Variants in SPTLC3 observed in about 807,000 individuals in gnomAD.
SPTLC3 encodes serine palmitoyltransferase 3.
In SPTLC3, 36 loss-of-function variants were observed where a neutral mutation model predicts 59.3. The observed-to-expected ratio is 0.61, with a 90% CI of 0.47 to 0.80. SPTLC3 has a LOEUF of 0.80. SPTLC3 is among the 30% of genes least tolerant of loss of function. SPTLC3 has a pLI of 0.00. For missense variants in SPTLC3, 625 were observed against 685.1 expected (o/e 0.91, Z 0.98); for synonymous variants, 257 against 240.8 (o/e 1.07, Z -0.62).
chr20:13,031,841 T>C (rs1353769145), intron 1 of SPTLC3, among the ~76,000 whole-genome samples: 1 of 152,208 alleles, frequency 6.6e-6, no homozygotes, highest in Non-Finnish European at 1.5e-5. Flanking sequence ...ATCTAACTTT[T>C]ATGTTTCTTT....
Position 13,009,297 on chromosome 20 carries a change from C to T in SPTLC3, c.30C>T (p.Cys10=). The stretch of plus-strand genomic sequence containing the variant: ...CTAACCCTGGAGGTGGTGCTGTTTG[C>T]AACGGGAAACTTCACAATCACAAGA... MANPGGGAV[C]NGKLHNHKKQ... is the part of the protein sequence containing the mutation. Residue 10 remains cysteine (C), a synonymous_variant, in exon 1 of 12, where the codon TGC becomes TGT. Coordinates refer to ENST00000399002, the MANE Select transcript of SPTLC3 (RefSeq NM_018327.4). 1 of 1,614,062 alleles carries T rather than the reference C, an allele frequency of 6.2e-7. No homozygotes were observed. Among genetic ancestry groups the T allele is most frequent in the Non-Finnish European group, 8.5e-7 (1 of 1,179,974 alleles).
At chr20:13,104,566 C>A (rs937730706) in intron 6 of SPTLC3, among the ~76,000 whole-genome samples, 2 of 152,044 alleles carry the variant, frequency 1.3e-5, no homozygotes, top group African/African-American at 4.8e-5. Context: ...TTATCAGTAG[C>A]GTGAAAATGG....
intron 3 of SPTLC3, chr20:13,073,913 A>C (rs1192195316): frequency 8.9e-6 from 5 of 563,510 alleles, no homozygotes; most frequent in Non-Finnish European, 1.8e-5. Flanking sequence ...CCAGAGATGC[A>C]TTCTTCATCC....
At chr20:13,029,893 T>G (rs752745422) in intron 1 of SPTLC3, among the ~76,000 whole-genome samples, 1 of 152,142 alleles carries the variant, frequency 6.6e-6, no homozygotes, top group Non-Finnish European at 1.5e-5. Flanking sequence ...CTTGGCAAGT[T>G]TCTCTCTTTC....
intron 1 of SPTLC3, among the ~76,000 whole-genome samples, chr20:13,026,267 T>G (rs1986140213): frequency 6.6e-6 from 1 of 152,160 alleles, no homozygotes; most frequent in Non-Finnish European, 1.5e-5. Context: ...CTGCGTTGAG[T>G]GGTAGTTCTG....
Position 13,167,357 on chromosome 20 carries a change from T to C in SPTLC3, c.*2490T>C, listed in dbSNP as rs529855801. On this transcript the variant is annotated 3_prime_UTR_variant, in exon 12 of 12. Coordinates refer to ENST00000399002, the MANE Select transcript of SPTLC3 (RefSeq NM_018327.4). ...ATCACCGCCCCGACCTTAGCTCTAA[T>C]TATATCAGAGCCAAAAATGTGTCTT... 12 of 152,286 alleles carry C rather than the reference T, an allele frequency of 7.9e-5. No homozygotes were observed. Among genetic ancestry groups the C allele is most frequent in the African/African-American group, 2.6e-4 (11 of 41,548 alleles). 9.4% of individuals were successfully genotyped at this position (152,286 alleles called of 1,614,324 possible).
intron 6 of SPTLC3, among the ~76,000 whole-genome samples, chr20:13,103,279 C>A (rs7264459): frequency 1.7e-3 from 258 of 152,298 alleles, no homozygotes; most frequent in African/African-American, 5.8e-3. Context: ...GGGGGACAGT[C>A]CTCCCCACCA....
intron 4 of SPTLC3, among the ~76,000 whole-genome samples, chr20:13,081,172 G>A (rs1278856911): frequency 6.6e-6 from 1 of 152,184 alleles, no homozygotes; most frequent in African/African-American, 2.4e-5. Context: ...TTTGCCACAA[G>A]CAGGTTTTTA....
chr20:13,066,897 C>T (rs74403574), intron 2 of SPTLC3, among the ~76,000 whole-genome samples: 50 of 140,496 alleles, frequency 3.6e-4, no homozygotes, highest in African/African-American at 1.2e-3. Flanking sequence ...TTTTCTTTAT[C>T]CTTTTCACTG....
At chr20:13,059,609 T>C (rs1987870481) in intron 2 of SPTLC3, among the ~76,000 whole-genome samples, 1 of 152,164 alleles carries the variant, frequency 6.6e-6, no homozygotes, top group Non-Finnish European at 1.5e-5. Context: ...AATTAACGGT[T>C]ACAGATCAAC....
intron 9 of SPTLC3, among the ~76,000 whole-genome samples, chr20:13,128,897 AC>A (rs2038056084): frequency 7.3e-6 from 1 of 136,198 alleles, no homozygotes; most frequent in Non-Finnish European, 1.5e-5. Context: ...TTTTTTGGAG[AC>A]AGAGTTTCGC....
chr20:13,164,004 T>C lies in SPTLC3; in HGVS notation c.1546-750T>C, dbSNP rs1006496255. Reference sequence around the variant, plus strand: ...GTGCCATGTTGGTGTGCTGCACCCATTAACTCGTCATTTAGCATTAGGTAT... The same window carrying C: ...GTGCCATGTTGGTGTGCTGCACCCACTAACTCGTCATTTAGCATTAGGTAT... On this transcript the variant is annotated intron_variant, in intron 11 of 11. Coordinates refer to ENST00000399002, the MANE Select transcript of SPTLC3 (RefSeq NM_018327.4). 5.9e-5 allele frequency among the ~76,000 whole-genome samples: 9 copies of C among 152,274 alleles called. 1 individual carries two copies. The highest frequency in any genetic ancestry group is 2.2e-4 in the African/African-American group (9 of 41,556).
At chr20:13,074,652 A>T (rs1988578533) in intron 4 of SPTLC3, among the ~76,000 whole-genome samples, 155 bp downstream of exon 4, 2 of 152,208 alleles carry the variant, frequency 1.3e-5, no homozygotes, top group African/African-American at 2.4e-5. Context: ...AATTTCAAGC[A>T]TTAGGCTGTT....
rs561622856 is a variant in SPTLC3, at chr20:13,164,858, C to T, written c.1650C>T (p.Leu550=). The change falls in exon 12 of 12, where the codon CTC becomes CTT. Residue 550 remains leucine (L), a synonymous_variant. Transcript: ENST00000399002. The stretch of plus-strand genomic sequence containing the variant: ...TCTATGATGAGACGAGCTTTGAACT[C>T]GAAGATTAAGTTTCCTGGTCCTGAA... ...PELYDETSFE[L]ED is the part of the protein sequence containing the mutation. 2.1e-4 allele frequency: 334 copies of T among 1,612,424 alleles called. No individual in the cohort carries two copies. Among genetic ancestry groups the T allele is most frequent in the Non-Finnish European group, 2.6e-4 (308 of 1,179,250 alleles).
intron 11 of SPTLC3, among the ~76,000 whole-genome samples, chr20:13,161,175 G>A (rs2038888416): frequency 6.6e-6 from 1 of 152,194 alleles, no homozygotes; most frequent in South Asian, 2.1e-4. Context: ...TGCATATGTG[G>A]GAAGAGAGAA....
intron 2 of SPTLC3, among the ~76,000 whole-genome samples, chr20:13,056,985 CT>C (rs1157393338): frequency 3.3e-5 from 5 of 152,186 alleles, no homozygotes; most frequent in Non-Finnish European, 5.9e-5. Flanking sequence ...CATTATCTGC[CT>C]GCCTCAGCCT....
chr20:13,103,433 G>A (rs553472145), intron 6 of SPTLC3, among the ~76,000 whole-genome samples: 5 of 152,230 alleles, frequency 3.3e-5, no homozygotes, highest in African/African-American at 1.2e-4. Context: ...AGAGATGGGG[G>A]GTAAGGGACT....
chr20:13,051,837 G>T (rs535932589), intron 2 of SPTLC3, among the ~76,000 whole-genome samples: 17 of 152,134 alleles, frequency 1.1e-4, no homozygotes, highest in Non-Finnish European at 2.1e-4. Context: ...TCCTGAATGA[G>T]CACTGGGTCA....
chr20:13,059,968 T>G (rs2122532299), intron 2 of SPTLC3, among the ~76,000 whole-genome samples: 1 of 152,284 alleles, frequency 6.6e-6, no homozygotes, highest in Non-Finnish European at 1.5e-5. Flanking sequence ...ACTCTGTTAC[T>G]TAGGGCCTCT....
Sources: gnomAD v4.1 joint callset for allele counts (sites outside exome capture counted in the v4.1 genomes callset) on GRCh38, gnomAD v4.1.1 for gene constraint, MANE v1.5 for transcripts, NCBI Gene and HGNC (gene_info 2026-07-23, HGNC 2026-07-21) for gene names.